NSUN6: variants seen among roughly 807,000 people sequenced by gnomAD.
NSUN6 encodes the protein tRNA (cytosine(72)-C(5))-methyltransferase NSUN6.
NSUN6 carries 64 observed loss-of-function variants against 58.0 expected under a neutral mutation model. That is an observed-to-expected ratio of 1.10 (90% CI 0.90 to 1.36). The LOEUF (loss-of-function observed/expected upper bound fraction) is 1.36, where lower values mean the gene tolerates loss of function less well. Among genes scored for constraint, NSUN6 ranks in the 40% most tolerant of loss-of-function variants. The pLI is 0.00. For synonymous variants in NSUN6, 231 were observed against 193.9 expected (o/e 1.19, Z -1.59); for missense variants, 701 against 550.1 (o/e 1.27, Z -2.74).
At chr10:18,584,784 G>C (rs2057053210) in intron 8 of NSUN6, among the ~76,000 whole-genome samples, 1 of 151,614 alleles carries the variant, frequency 6.6e-6, no homozygotes, top group Non-Finnish European at 1.5e-5. Context: ...AAGGAAGCAA[G>C]AGAAAAACAA....
At chr10:18,609,516 A>G (rs1196825630) in intron 6 of NSUN6, among the ~76,000 whole-genome samples, 2 of 152,306 alleles carry the variant, frequency 1.3e-5, no homozygotes, top group East Asian at 1.9e-4. Context: ...AACAAGTCAA[A>G]TGATTTACTA....
upstream of NSUN6, chr10:18,652,914 A>G (rs138545376): frequency 2.7e-3 from 2,650 of 985,078 alleles, 4 homozygotes; most frequent in Non-Finnish European, 3.0e-3. Flanking sequence ...ACAACTCTCC[A>G]TGTTCTCACA....
intron 8 of NSUN6, among the ~76,000 whole-genome samples, chr10:18,552,819 T>C (rs912656102): frequency 1.3e-5 from 2 of 151,474 alleles, no homozygotes; most frequent in African/African-American, 2.4e-5. Context: ...CCTAATCAAT[T>C]CCATGCTCCA....
upstream of NSUN6, chr10:18,655,089 T>G: frequency 1.0e-6 from 1 of 983,058 alleles, no homozygotes; most frequent in South Asian, 4.7e-5. Context: ...TAATTTGCTT[T>G]GGGGAACACT....
intron 8 of NSUN6, among the ~76,000 whole-genome samples, chr10:18,580,348 G>A (rs946621710): frequency 2.0e-5 from 3 of 152,072 alleles, no homozygotes; most frequent in African/African-American, 7.2e-5. Flanking sequence ...ACTTCATGTG[G>A]GTGCAGCCAA....
chr10:18,630,010 C>A (rs1339332767), intron 3 of NSUN6, among the ~76,000 whole-genome samples: 7 of 149,972 alleles, frequency 4.7e-5, no homozygotes, highest in Non-Finnish European at 8.9e-5. Flanking sequence ...GGAAGTAAAG[C>A]TCTCCTCAGC....
Position 18,604,699 on chromosome 10 carries a change from CAT to C in NSUN6, c.657+5144_657+5145del, listed in dbSNP as rs576735515. On this transcript the variant is annotated intron_variant, in intron 6 of 10. Coordinates refer to ENST00000377304, the MANE Select transcript of NSUN6 (RefSeq NM_182543.5). ...AGGAGTTCAAGACCAGCCTGGCCAA[CAT>C]ATAGTGAAATCCCATCTCTACTAAA... Among the ~76,000 whole-genome samples, 726 of 151,868 alleles carry C rather than the reference CAT, an allele frequency of 4.8e-3. 19 individuals carry two copies. The highest frequency in any genetic ancestry group is 0.028 in the Admixed American group (424 of 15,272).
chr10:18,643,349 C>T (rs1418324546), intron 2 of NSUN6, among the ~76,000 whole-genome samples: 4 of 151,770 alleles, frequency 2.6e-5, no homozygotes, highest in Non-Finnish European at 2.9e-5. Context: ...GAGGGCAGCA[C>T]GCAAATATCT....
intron 7 of NSUN6, among the ~76,000 whole-genome samples, chr10:18,589,136 T>C (rs1010472962): frequency 2.0e-5 from 3 of 152,048 alleles, no homozygotes; most frequent in Non-Finnish European, 4.4e-5. Flanking sequence ...CAAGTATCAA[T>C]AGACAAATCG....
At chr10:18,562,738 G>C (rs1289140431) in intron 8 of NSUN6, among the ~76,000 whole-genome samples, 1 of 148,092 alleles carries the variant, frequency 6.8e-6, no homozygotes. Context: ...AAATGGAATG[G>C]AATGGAGAAT....
intron 8 of NSUN6, among the ~76,000 whole-genome samples, chr10:18,585,401 G>T (rs2057086031): frequency 1.3e-5 from 2 of 152,048 alleles, no homozygotes; most frequent in African/African-American, 4.8e-5. Flanking sequence ...GTCAAGATAT[G>T]GAATCCATCA....
At chr10:18,586,791 CTGG>C (rs1032566552) in intron 7 of NSUN6, among the ~76,000 whole-genome samples, 1 of 152,060 alleles carries the variant, frequency 6.6e-6, no homozygotes, top group African/African-American at 2.4e-5. Flanking sequence ...GCTACTGGCT[CTGG>C]TGGCCAGCTT....
intron 7 of NSUN6, among the ~76,000 whole-genome samples, chr10:18,591,655 C>T (rs575821892): frequency 7.2e-5 from 11 of 152,202 alleles, no homozygotes; most frequent in Non-Finnish European, 4.4e-5. Flanking sequence ...AAAGGCCTTC[C>T]ATAAAATTCA....
chr10:18,658,632 T>G (rs1166443137), upstream of NSUN6: 1 of 969,508 alleles, frequency 1.0e-6, no homozygotes, highest in Non-Finnish European at 1.2e-6. Flanking sequence ...TTATGTGTTA[T>G]TATTAATCAC....
At chr10:18,565,675 C>G (rs1394268247) in intron 8 of NSUN6, among the ~76,000 whole-genome samples, 1 of 150,878 alleles carries the variant, frequency 6.6e-6, no homozygotes, top group African/African-American at 2.4e-5. Flanking sequence ...CATTCCATTC[C>G]ATTCTTCCTT....
chr10:18,548,927 A>T (rs2054447120), intron 9 of NSUN6, among the ~76,000 whole-genome samples: 1 of 152,058 alleles, frequency 6.6e-6, no homozygotes, highest in African/African-American at 2.4e-5. Context: ...CTACCTTCAC[A>T]TTCTAGCCAG....
chr10:18,584,315 C>T lies in NSUN6; in HGVS notation c.922+1634G>A, dbSNP rs559532195. 7.2e-5 allele frequency among the ~76,000 whole-genome samples: 11 copies of T among 152,340 alleles called. No homozygotes were observed. The East Asian group carries it at 1.9e-3, about 27-fold the overall frequency. On this transcript the variant is annotated intron_variant, in intron 8 of 10. Transcript: ENST00000377304. ...TTCCCCCCTTACCTTATAAAAGTTTCCGCTTTCTGCTCCAAAGGTGAAGCA... is the reference window on the plus strand; with the variant it reads ...TTCCCCCCTTACCTTATAAAAGTTTTCGCTTTCTGCTCCAAAGGTGAAGCA...
At chr10:18,623,679 T>C (rs1300130238) in intron 3 of NSUN6, among the ~76,000 whole-genome samples, 3 of 152,182 alleles carry the variant, frequency 2.0e-5, no homozygotes, top group African/African-American at 7.2e-5. Flanking sequence ...CTAACAAACC[T>C]GATCAACTGC....
chr10:18,580,595 A>G (rs1589943407), intron 8 of NSUN6, among the ~76,000 whole-genome samples: 1 of 152,064 alleles, frequency 6.6e-6, no homozygotes, highest in Non-Finnish European at 1.5e-5. Flanking sequence ...ACCCCTGATT[A>G]CCCTCACCCA....
Sources: gnomAD v4.1 joint callset for allele counts (sites outside exome capture counted in the v4.1 genomes callset) on GRCh38, gnomAD v4.1.1 for gene constraint, MANE v1.5 for transcripts, NCBI Gene and HGNC (gene_info 2026-07-23, HGNC 2026-07-21) for gene names.